The following CTNND1 variants were observed in gnomAD, a reference collection of about 807,000 sequenced individuals.
The protein encoded by CTNND1 is catenin delta-1.
A neutral mutation model predicts 112.1 loss-of-function variants in CTNND1; 16 were observed. The observed-to-expected ratio is 0.14, with a 90% CI of 0.10 to 0.22. The LOEUF (loss-of-function observed/expected upper bound fraction) is 0.22, where lower values mean the gene tolerates loss of function less well. CTNND1 is among the 10% of genes least tolerant of loss of function. The pLI, the probability that CTNND1 is intolerant of heterozygous loss-of-function variation, is 1.00. For synonymous variants in CTNND1, 420 were observed against 446.5 expected, an observed-to-expected ratio of 0.94 and a Z score of 0.75; for missense variants, 1,008 against 1,257.0, an observed-to-expected ratio of 0.80 and a Z score of 3.00.
rs2064035320 is a variant in CTNND1 at position 57,817,265 on chromosome 11, GGCCT to G, written c.*959_*962del. 2 of 153,004 alleles carry G rather than the reference GGCCT, an allele frequency of 1.3e-5. No individual in the cohort carries two copies. Among genetic ancestry groups the G allele is most frequent in the Admixed American group, 6.5e-5 (1 of 15,296 alleles). 9.5% of individuals were successfully genotyped at this position (153,004 alleles called of 1,614,324 possible). ...CGTTTCTCCTTTTCCTATCCTTATAGGCCTGTCCCTTGCCTCTGCCCTGGATTGG... is the reference window on the plus strand; with the variant it reads ...CGTTTCTCCTTTTCCTATCCTTATAGGTCCCTTGCCTCTGCCCTGGATTGG... On this transcript the variant is annotated 3_prime_UTR_variant, in exon 21 of 21. Coordinates refer to ENST00000399050, the MANE Select transcript of CTNND1 (RefSeq NM_001085458.2).
rs1365141613 is a variant in CTNND1 at position 57,761,879 on chromosome 11, G to A, written c.-454G>A. ...CATTTTAGGTGTTGGATCTGAGGGGGAAAAAAAAGAGAGAGGGAGAGAGAG... is the reference window on the plus strand; with the variant it reads ...CATTTTAGGTGTTGGATCTGAGGGGAAAAAAAAAGAGAGAGGGAGAGAGAG... On this transcript the variant is annotated 5_prime_UTR_variant, in exon 1 of 21. Coordinates refer to ENST00000399050, the MANE Select transcript of CTNND1 (RefSeq NM_001085458.2). 14 of 984,508 alleles carry A rather than the reference G, an allele frequency of 1.4e-5. No individual in the cohort carries two copies. Among genetic ancestry groups the A allele is most frequent in the Non-Finnish European group, 1.7e-5 (14 of 829,722 alleles). The allele number at this position is 984,508 out of a possible 1,614,324, so 61.0% of individuals were successfully genotyped here. A position where few individuals can be genotyped will look rare whatever the true frequency, so the allele number is the denominator to read the frequency against.
Sources: allele counts gnomAD v4.1 joint callset, GRCh38; gene constraint gnomAD v4.1.1; transcripts MANE v1.5; gene names NCBI Gene and HGNC (gene_info 2026-07-23, HGNC 2026-07-21).